MACROD2: variants seen among roughly 807,000 people sequenced by gnomAD.
MACROD2 encodes ADP-ribose glycohydrolase MACROD2.
MACROD2 carries 36 observed loss-of-function variants against 70.4 expected under a neutral mutation model. The observed-to-expected ratio is 0.51, with a 90% CI of 0.39 to 0.68. The LOEUF is 0.68. Ranked by LOEUF, MACROD2 falls within the 30% of genes least tolerant of loss-of-function variation. MACROD2 has a pLI of 0.00. For missense variants in MACROD2, 496 were observed against 538.4 expected (o/e 0.92, Z 0.78); for synonymous variants, 172 against 178.8 (o/e 0.96, Z 0.30).
intron 6 of MACROD2, among the ~76,000 whole-genome samples, chr20:15,422,135 G>A (rs1208415716): frequency 6.6e-6 from 1 of 152,188 alleles, no homozygotes; most frequent in East Asian, 1.9e-4. Flanking sequence ...AAGGAAGCGA[G>A]GATTGGAGGT....
chr20:16,051,574 C>A lies in MACROD2; in HGVS notation c.*1698C>A, dbSNP rs2067459021. The A allele has an allele frequency of 6.6e-6, 1 of 152,052 alleles. No individual in the cohort carries two copies. Among genetic ancestry groups the A allele is most frequent in the Non-Finnish European group, 1.5e-5 (1 of 68,018 alleles). The allele number at this position is 152,052 out of a possible 1,614,324, so 9.4% of individuals were successfully genotyped here. ...GGGATTATGGCCTTCTGTTGCTATT[C>A]CAGTTTGATATGGAAGCATCTATAT... On this transcript the variant is annotated 3_prime_UTR_variant, in exon 18 of 18. Coordinates refer to ENST00000684519, the MANE Select transcript of MACROD2 (RefSeq NM_001351661.2).
At chr20:15,369,962 T>C (rs1375189879) in intron 6 of MACROD2, among the ~76,000 whole-genome samples, 1 of 152,138 alleles carries the variant, frequency 6.6e-6, no homozygotes, top group Non-Finnish European at 1.5e-5. Flanking sequence ...TCTAAAAATC[T>C]CTGACCTCTG....
At chr20:14,940,524 G>T (rs1010062689) in intron 5 of MACROD2, among the ~76,000 whole-genome samples, 1 of 152,172 alleles carries the variant, frequency 6.6e-6, no homozygotes, top group Non-Finnish European at 1.5e-5. Flanking sequence ...CAGTACAATG[G>T]TAGCTGTGGG....
At chr20:14,754,688 C>G (rs1356632948) in intron 5 of MACROD2, among the ~76,000 whole-genome samples, 4 of 151,816 alleles carry the variant, frequency 2.6e-5, no homozygotes, top group Non-Finnish European at 1.5e-5. Context: ...ATAGAATAAA[C>G]ATTTTGAAAA....
At chr20:15,855,539 T>C (rs573402516) in intron 8 of MACROD2, among the ~76,000 whole-genome samples, 12 of 152,256 alleles carry the variant, frequency 7.9e-5, no homozygotes, top group East Asian at 3.9e-4. Context: ...AAATTCTTAT[T>C]GAAGTATAAC....
chr20:14,764,057 G>A (rs1285449712), intron 5 of MACROD2, among the ~76,000 whole-genome samples: 1 of 151,986 alleles, frequency 6.6e-6, no homozygotes, highest in African/African-American at 2.4e-5. Flanking sequence ...TCTGTCCTAT[G>A]TCTATCTATG....
intron 8 of MACROD2, among the ~76,000 whole-genome samples, chr20:15,676,337 C>T (rs919937315): frequency 1.3e-5 from 2 of 152,216 alleles, no homozygotes; most frequent in Admixed American, 6.5e-5. Flanking sequence ...TCAATTTAGA[C>T]AGGCAATGCC....
In MACROD2 at chr20:14,731,106, C is replaced by T. The variant is rs144049607; in HGVS notation, c.418+46147C>T. Among the ~76,000 whole-genome samples, 1,080 of 152,022 alleles carry T rather than the reference C, an allele frequency of 7.1e-3. 15 individuals are homozygous for T. The highest frequency in any genetic ancestry group is 0.024 in the African/African-American group (997 of 41,454). On this transcript the variant is annotated intron_variant, in intron 5 of 17. Transcript: ENST00000684519. Reference sequence around the variant, plus strand: ...TATTTTCTGCTCATAACCTTGTAGGCCCTACCTGAATCCAACAAGAAAAAT... The same window carrying T: ...TATTTTCTGCTCATAACCTTGTAGGTCCTACCTGAATCCAACAAGAAAAAT...
chr20:15,886,242 T>C (rs1382361840), intron 10 of MACROD2, among the ~76,000 whole-genome samples: 2 of 152,160 alleles, frequency 1.3e-5, no homozygotes, highest in Non-Finnish European at 2.9e-5. Context: ...GTCTAGTGAT[T>C]GATCTCAACT....
At chr20:15,758,208 A>G (rs1183276688) in intron 8 of MACROD2, among the ~76,000 whole-genome samples, 2 of 151,688 alleles carry the variant, frequency 1.3e-5, no homozygotes, top group Non-Finnish European at 2.9e-5. Context: ...TCTCAGAAAG[A>G]CATTTTGGAA....
chr20:14,450,951 A>G (rs753626895), intron 3 of MACROD2, among the ~76,000 whole-genome samples: 1 of 152,148 alleles, frequency 6.6e-6, no homozygotes, highest in Non-Finnish European at 1.5e-5. Context: ...CATATCACTG[A>G]AGTTTCATAT....
intron 5 of MACROD2, among the ~76,000 whole-genome samples, chr20:14,938,053 A>G (rs1177389329): frequency 1.4e-5 from 2 of 147,938 alleles, no homozygotes; most frequent in African/African-American, 5.0e-5. Context: ...CTCATGTTCA[A>G]TTGCATACAT....
intron 6 of MACROD2, among the ~76,000 whole-genome samples, chr20:15,298,328 T>A (rs1396394866): frequency 6.6e-6 from 1 of 151,914 alleles, no homozygotes; most frequent in African/African-American, 2.4e-5. Context: ...GCACCCAGAG[T>A]GGAGAAAAAG....
chr20:15,230,106 T>A, intron 6 of MACROD2, 45 bp downstream of exon 6: 8 of 1,573,530 alleles, frequency 5.1e-6, no homozygotes, highest in African/African-American at 4.0e-5. Context: ...TTTCAACCTT[T>A]ATGCTTTAGT....
At chr20:15,871,193 ATT>A (rs1491370606) in intron 9 of MACROD2, among the ~76,000 whole-genome samples, 10 of 151,130 alleles carry the variant, frequency 6.6e-5, no homozygotes, top group Non-Finnish European at 1.0e-4. Context: ...AAAAAAAAAA[ATT>A]ATAAAATTAA....
intron 5 of MACROD2, among the ~76,000 whole-genome samples, chr20:15,215,372 T>C (rs891752283): frequency 2.0e-5 from 3 of 151,570 alleles, no homozygotes; most frequent in African/African-American, 7.3e-5. Flanking sequence ...TTAAAAAAAC[T>C]ATGAAGATCT....
intron 8 of MACROD2, among the ~76,000 whole-genome samples, chr20:15,556,958 A>G (rs1399355285): frequency 6.6e-6 from 1 of 152,144 alleles, no homozygotes; most frequent in African/African-American, 2.4e-5. Flanking sequence ...TTTTCCATGA[A>G]TTTCAATTTT....
Position 15,389,791 on chromosome 20 carries a change from G to A in MACROD2, c.541-41614G>A, listed in dbSNP as rs139100829. On this transcript the variant is annotated intron_variant, in intron 6 of 17. Coordinates refer to ENST00000684519, the MANE Select transcript of MACROD2 (RefSeq NM_001351661.2). ...CCCCAAGGCAAGATGAAGCAATACC[G>A]TTAATTATCTCTTAAATATATATCA... 3.6e-3 allele frequency among the ~76,000 whole-genome samples: 553 copies of A among 152,244 alleles called. 2 individuals are homozygous for A. Among genetic ancestry groups the A allele is most frequent in the African/African-American group, 0.013 (534 of 41,560 alleles).
intron 3 of MACROD2, among the ~76,000 whole-genome samples, chr20:14,421,462 G>GA (rs1340689707): frequency 6.6e-5 from 10 of 152,068 alleles, no homozygotes; most frequent in African/African-American, 2.2e-4. Context: ...GAGTTGCTAG[G>GA]AATTTGTTTA....
Sources: allele counts gnomAD v4.1 joint callset (sites outside exome capture counted in the v4.1 genomes callset), GRCh38; gene constraint gnomAD v4.1.1; transcripts MANE v1.5; gene names NCBI Gene and HGNC (gene_info 2026-07-23, HGNC 2026-07-21).